SDC2: variants seen among roughly 807,000 people sequenced by gnomAD.
The protein encoded by SDC2 is syndecan 2, also known as syndecan-2.
In SDC2, 13 loss-of-function variants were observed where a neutral mutation model predicts 22.2. The observed-to-expected ratio is 0.59, with a 90% CI of 0.38 to 0.93. SDC2 has a LOEUF of 0.93. SDC2 is among the 40% of genes least tolerant of loss of function. SDC2 has a pLI of 0.00. For missense variants in SDC2, 235 were observed against 246.8 expected (o/e 0.95, Z 0.32); for synonymous variants, 94 against 92.8 (o/e 1.01, Z -0.07).
intron 1 of SDC2, among the ~76,000 whole-genome samples, chr8:96,504,281 C>A (rs780086846): frequency 1.3e-5 from 2 of 152,196 alleles, no homozygotes; most frequent in Non-Finnish European, 2.9e-5. Flanking sequence ...TCTCTAGTTG[C>A]ATGAGTGACA....
intron 1 of SDC2, among the ~76,000 whole-genome samples, chr8:96,539,934 C>G (rs1372401072): frequency 6.6e-6 from 1 of 152,098 alleles, no homozygotes; most frequent in Non-Finnish European, 1.5e-5. Context: ...AGAAGGGAAC[C>G]TGCTTGGAGG....
chr8:96,601,960 A>G (rs1814995982), intron 2 of SDC2, among the ~76,000 whole-genome samples: 1 of 152,046 alleles, frequency 6.6e-6, no homozygotes, highest in Non-Finnish European at 1.5e-5. Context: ...AGGTTTCACC[A>G]TATAGGCCAG....
At chr8:96,495,364 C>T (rs981865836) in intron 1 of SDC2, among the ~76,000 whole-genome samples, 1 of 152,210 alleles carries the variant, frequency 6.6e-6, no homozygotes, top group Non-Finnish European at 1.5e-5. Context: ...TGTTTCCCCA[C>T]GTCGCCCAAT....
chr8:96,577,779 T>C lies in SDC2; in HGVS notation c.61-15701T>C, dbSNP rs78150122. On this transcript the variant is annotated intron_variant, in intron 1 of 4. Transcript: ENST00000302190. The stretch of plus-strand genomic sequence containing the variant: ...TGAACCCCTGGCAACTGCTCATCTT[T>C]GTATTGTCTCTGTAGTTATGCCTTT... 2.0e-5 allele frequency among the ~76,000 whole-genome samples: 3 copies of C among 152,326 alleles called. No homozygotes were observed. The East Asian group carries it at 5.8e-4, about 29-fold the overall frequency.
intron 2 of SDC2, among the ~76,000 whole-genome samples, chr8:96,601,836 T>C (rs977384630): frequency 2.0e-5 from 3 of 151,536 alleles, no homozygotes; most frequent in African/African-American, 7.3e-5. Flanking sequence ...CTCTGCTCAC[T>C]GCAACCTCCA....
chr8:96,511,222 G>T (rs1813322472), intron 1 of SDC2, among the ~76,000 whole-genome samples: 1 of 152,154 alleles, frequency 6.6e-6, no homozygotes, highest in Admixed American at 6.5e-5. Flanking sequence ...GAGAGTCCCT[G>T]GTTGTGGGGC....
chr8:96,602,909 G>C lies in SDC2; in HGVS notation c.306+381G>C, dbSNP rs188858919. Among the ~76,000 whole-genome samples, 7 of 152,288 alleles carry C rather than the reference G, an allele frequency of 4.6e-5. No homozygotes were observed. In the East Asian group the frequency reaches 1.4e-3, roughly 29 times the overall value. Reference sequence around the variant, plus strand: ...TGGTTTGTAGGTTACGTAATTAGAAGACTCCAGGTCACGTCTTGAGGTGGT... The same window carrying C: ...TGGTTTGTAGGTTACGTAATTAGAACACTCCAGGTCACGTCTTGAGGTGGT... On this transcript the variant is annotated intron_variant, in intron 3 of 4. Transcript: ENST00000302190.
chr8:96,596,004 G>GAAGC (rs1482859851), intron 2 of SDC2, among the ~76,000 whole-genome samples: 1 of 152,344 alleles, frequency 6.6e-6, no homozygotes, highest in Non-Finnish European at 1.5e-5. Flanking sequence ...TTTTCAGCAT[G>GAAGC]AAGCAGCAGT....
chr8:96,572,876 CAG>C (rs1271093917), intron 1 of SDC2, among the ~76,000 whole-genome samples: 1 of 152,186 alleles, frequency 6.6e-6, no homozygotes, highest in African/African-American at 2.4e-5. Flanking sequence ...GACTTAGCTG[CAG>C]AGTCTTCATT....
rs565642991 is a variant in SDC2 at position 96,611,304 on chromosome 8, C to A, written c.*1756C>A. On this transcript the variant is annotated 3_prime_UTR_variant, in exon 5 of 5. Coordinates refer to ENST00000302190, the MANE Select transcript of SDC2 (RefSeq NM_002998.4). Reference sequence around the variant, plus strand: ...CACTAATTTTGTTTTAAACTGTGAGCCGTCCAAGTCAGAAGAAGACAGCAA... The same window carrying A: ...CACTAATTTTGTTTTAAACTGTGAGACGTCCAAGTCAGAAGAAGACAGCAA... 6.6e-6 allele frequency: 1 copy of A among 152,330 alleles called. No homozygotes were observed. The highest frequency in any genetic ancestry group is 2.4e-5 in the African/African-American group (1 of 41,402). The allele number at this position is 152,330 out of a possible 1,614,324, so 9.4% of individuals were successfully genotyped here.
rs138490979 is a variant in SDC2 at position 96,581,435 on chromosome 8, A to G, written c.61-12045A>G. On this transcript the variant is annotated intron_variant, in intron 1 of 4. Transcript: ENST00000302190. Reference sequence around the variant, plus strand: ...CTTGAGGGTTAGGAGTTCGAGACCAACCTGGCCAACATGGTGAAACCCCGT... The same window carrying G: ...CTTGAGGGTTAGGAGTTCGAGACCAGCCTGGCCAACATGGTGAAACCCCGT... Among the ~76,000 whole-genome samples the G allele has an allele frequency of 6.3e-3, 957 of 152,080 alleles. 11 individuals carry two copies. Among genetic ancestry groups the G allele is most frequent in the African/African-American group, 0.022 (913 of 41,478 alleles).
chr8:96,517,797 GTGTGTATA>G lies in SDC2; in HGVS notation c.60+23468_60+23475del, dbSNP rs1404078893. ...TGTGTGTGTGTGTGTGTGTGTGTGT[GTGTGTATA>G]TATATATGCACACATGAATCTTAAA... On this transcript the variant is annotated intron_variant, in intron 1 of 4. Coordinates refer to ENST00000302190, the MANE Select transcript of SDC2 (RefSeq NM_002998.4). Among the ~76,000 whole-genome samples the G allele has an allele frequency of 1.6e-3, 194 of 117,820 alleles. 2 individuals carry two copies. The highest frequency in any genetic ancestry group is 6.3e-3 in the African/African-American group (185 of 29,592). The allele number at this position is 117,820 out of a possible 152,430, so 77.3% of individuals were successfully genotyped here. A position where few individuals can be genotyped will look rare whatever the true frequency, so the allele number is the denominator to read the frequency against.
Position 96,571,404 on chromosome 8 carries a change from G to A in SDC2, c.61-22076G>A, listed in dbSNP as rs569315423. Among the ~76,000 whole-genome samples the A allele has an allele frequency of 3.3e-5, 5 of 152,258 alleles. 1 individual carries two copies. In the South Asian group the frequency reaches 1.0e-3, roughly 32 times the overall value. On this transcript the variant is annotated intron_variant, in intron 1 of 4. Transcript: ENST00000302190. The stretch of plus-strand genomic sequence containing the variant: ...AAAGGGGCAGGTCCCCGATCACCGG[G>A]GTCTTATGGGCTTGAATACCACTGC...
intron 1 of SDC2, among the ~76,000 whole-genome samples, chr8:96,525,582 G>T (rs1360449086): frequency 6.6e-6 from 1 of 152,136 alleles, no homozygotes; most frequent in Non-Finnish European, 1.5e-5. Context: ...AGAGCTCTCT[G>T]GTGACAAAAC....
At chr8:96,599,292 A>G (rs575268107) in intron 2 of SDC2, among the ~76,000 whole-genome samples, 42 of 151,874 alleles carry the variant, frequency 2.8e-4, no homozygotes, top group Non-Finnish European at 5.1e-4. Context: ...TACGTTACAA[A>G]TCTCTTCCCT....
chr8:96,526,167 A>G (rs561670736), intron 1 of SDC2, among the ~76,000 whole-genome samples: 1 of 152,324 alleles, frequency 6.6e-6, no homozygotes, highest in African/African-American at 2.4e-5. Flanking sequence ...GGCCTCCCCA[A>G]AGTGGCTTTG....
At chr8:96,498,007 T>G (rs1008066858) in intron 1 of SDC2, among the ~76,000 whole-genome samples, 2 of 152,234 alleles carry the variant, frequency 1.3e-5, no homozygotes, top group African/African-American at 4.8e-5. Context: ...GAAGAATCTT[T>G]GCTAAAACCA....
Position 96,609,450 on chromosome 8 carries a change from C to G in SDC2, c.508C>G (p.Arg170Gly). ...AIFLILLLVY[R>G]MRKKDEGSYD... ...TTTTCTTATCCTGCTGTTGGTGTATCGCATGAGAAAGAAGGATGAAGGAAG... is the reference window on the plus strand; with the variant it reads ...TTTTCTTATCCTGCTGTTGGTGTATGGCATGAGAAAGAAGGATGAAGGAAG... Residue 170 changes from arginine (R) to glycine (G), a missense_variant, in exon 5 of 5, where the codon CGC (arginine) becomes GGC (glycine). Coordinates refer to ENST00000302190, the MANE Select transcript of SDC2 (RefSeq NM_002998.4). The G allele has an allele frequency of 1.2e-6, 2 of 1,613,358 alleles. No homozygotes were observed. The highest frequency in any genetic ancestry group is 1.7e-6 in the Non-Finnish European group (2 of 1,179,652).
chr8:96,498,811 T>A (rs7002504), intron 1 of SDC2, among the ~76,000 whole-genome samples: 30,980 of 152,182 alleles, frequency 0.2, 3,472 homozygotes, highest in Non-Finnish European at 0.27. Flanking sequence ...CCTGCAGCAC[T>A]AATCTTGATG....
Sources: allele counts gnomAD v4.1 joint callset (sites outside exome capture counted in the v4.1 genomes callset), GRCh38; gene constraint gnomAD v4.1.1; transcripts MANE v1.5; gene names NCBI Gene and HGNC (gene_info 2026-07-23, HGNC 2026-07-21).